IL17RD: variants seen among roughly 807,000 people sequenced by gnomAD.
IL17RD encodes the protein interleukin-17 receptor D.
A neutral mutation model predicts 80.5 loss-of-function variants in IL17RD; 52 were observed. That is an observed-to-expected ratio of 0.65 (90% confidence interval 0.52 to 0.81). IL17RD has a LOEUF of 0.81. Ranked by LOEUF, IL17RD falls within the 40% of genes least tolerant of loss-of-function variation. IL17RD has a pLI of 0.00. For missense variants in IL17RD, 1,024 were observed against 955.1 expected (o/e 1.07, Z -0.95); for synonymous variants, 416 against 391.8 (o/e 1.06, Z -0.73).
intron 1 of IL17RD, among the ~76,000 whole-genome samples, chr3:57,155,842 T>C (rs902058219): frequency 2.6e-5 from 4 of 152,208 alleles, no homozygotes; most frequent in African/African-American, 9.7e-5. Context: ...CCGCCTGCCT[T>C]GGCCTCCCAA....
chr3:57,137,598 T>C (rs1444401237), intron 1 of IL17RD, among the ~76,000 whole-genome samples: 1 of 152,204 alleles, frequency 6.6e-6, no homozygotes, highest in Non-Finnish European at 1.5e-5. Context: ...AGACTGGAGC[T>C]GGGGTCTCAA....
chr3:57,135,370 G>A (rs1707704265), intron 1 of IL17RD, among the ~76,000 whole-genome samples: 1 of 152,252 alleles, frequency 6.6e-6, no homozygotes, highest in African/African-American at 2.4e-5. Context: ...TGCCTGCGAA[G>A]TGGTGGGATG....
chr3:57,144,135 G>A (rs946860958), intron 1 of IL17RD, among the ~76,000 whole-genome samples: 2 of 152,172 alleles, frequency 1.3e-5, no homozygotes, highest in African/African-American at 4.8e-5. Flanking sequence ...TTCAACCACG[G>A]TCCCTTCCCA....
chr3:57,168,393 C>T (rs1053124763), upstream of IL17RD, among the ~76,000 whole-genome samples: 3 of 152,230 alleles, frequency 2.0e-5, no homozygotes, highest in African/African-American at 7.2e-5. Context: ...TGAAAACATG[C>T]TGCAGGGTTC....
chr3:57,163,186 G>C (rs2060317402), intron 1 of IL17RD, among the ~76,000 whole-genome samples: 1 of 152,206 alleles, frequency 6.6e-6, no homozygotes, highest in Non-Finnish European at 1.5e-5. Context: ...CTGGAATCTG[G>C]AACATGGCCC....
In IL17RD at chr3:57,097,928, A is replaced by G; in HGVS notation, c.1775T>C (p.Met592Thr). 1 of 1,614,042 alleles carries G rather than the reference A, an allele frequency of 6.2e-7. No homozygotes were observed. The highest frequency in any genetic ancestry group is 8.5e-7 in the Non-Finnish European group (1 of 1,179,902). The change falls in exon 12 of 13, where the codon ATG becomes ACG. Residue 592 changes from methionine (M) to threonine (T), a missense_variant. Met to Thr is a moderately conservative substitution (Grantham distance 81). Transcript: ENST00000296318. ...GTCACTCTCAGGCCCTGGTTTGCAC[A>G]TGACATCATTTAAAACCAAGCCCGA... ...FDSGLVLNDV[M>T]CKPGPESDFC...
chr3:57,104,257 A>G (rs1175073062), intron 8 of IL17RD, 85 bp downstream of exon 8: 13 of 924,918 alleles, frequency 1.4e-5, no homozygotes, highest in Non-Finnish European at 2.0e-5. Flanking sequence ...AATAGCTTGA[A>G]ATTTTAGTGT....
chr3:57,096,632 C>T, intron 12 of IL17RD, 127 bp from the exon 13 acceptor site: 1 of 692,814 alleles, frequency 1.4e-6, no homozygotes, highest in Non-Finnish European at 2.6e-6. Context: ...GGCAAGAATC[C>T]CAACCAACTC....
chr3:57,105,997 G>A lies in IL17RD; in HGVS notation c.607C>T (p.Arg203Trp), dbSNP rs773624343. The stretch of plus-strand genomic sequence containing the variant: ...CCATGCTGGCTGATGTTCAGGTTCC[G>A]AGGCTTCCAGACTGGAAGAAGGTAG... ...NLACKPFWKP[R>W]NLNISQHGSD... Residue 203 changes from arginine (R) to tryptophan (W), a missense_variant, in exon 7 of 13, where the codon CGG becomes TGG. By Grantham distance (101) the Arg-to-Trp change is moderately radical. Transcript: ENST00000296318. The A allele has an allele frequency of 7.4e-6, 12 of 1,613,864 alleles. No homozygotes were observed. The highest frequency in any genetic ancestry group is 4.0e-5 in the African/African-American group (3 of 75,046).
intron 1 of IL17RD, among the ~76,000 whole-genome samples, chr3:57,128,662 AT>A (rs1212348541): frequency 1.3e-5 from 2 of 151,472 alleles, no homozygotes; most frequent in African/African-American, 4.8e-5. Flanking sequence ...TCTCTAAATG[AT>A]GGTGGCCTGA....
At chr3:57,105,483 G>A (rs1706933409) in intron 7 of IL17RD, among the ~76,000 whole-genome samples, 1 of 128,348 alleles carries the variant, frequency 7.8e-6, no homozygotes, top group African/African-American at 2.9e-5. Context: ...GCTGCAGCGA[G>A]CCAAGATCAC....
At chr3:57,140,865 A>G (rs1023041301) in intron 1 of IL17RD, among the ~76,000 whole-genome samples, 3 of 151,994 alleles carry the variant, frequency 2.0e-5, no homozygotes, top group Non-Finnish European at 2.9e-5. Context: ...TTTATTATGC[A>G]GTAGCAGAGC....
In IL17RD at chr3:57,098,119, G is replaced by T; in HGVS notation, c.1584C>A (p.Gly528=). 6.2e-7 allele frequency: 1 copy of T among 1,613,948 alleles called. No homozygotes were observed. The highest frequency in any genetic ancestry group is 8.5e-7 in the Non-Finnish European group (1 of 1,179,886). ...LQEPGQHTRQ[G]SRRNYFRSKS... The stretch of plus-strand genomic sequence containing the variant: ...TGCTCCGGAAGTAGTTCCTTCTGCT[G>T]CCCTGTCGCGTGTGCTGCCCCGGCT... The change falls in exon 12 of 13, where the codon GGC becomes GGA. Residue 528 remains glycine, a synonymous_variant. Transcript: ENST00000296318.
chr3:57,114,183 CAA>C (rs113601317), intron 3 of IL17RD, among the ~76,000 whole-genome samples: 21 of 118,540 alleles, frequency 1.8e-4, no homozygotes, highest in East Asian at 6.8e-4. Context: ...AACTATGTCT[CAA>C]AAAAAAAAAA....
chr3:57,133,609 A>C (rs542803651), intron 1 of IL17RD, among the ~76,000 whole-genome samples: 4 of 152,178 alleles, frequency 2.6e-5, no homozygotes, highest in African/African-American at 9.7e-5. Flanking sequence ...GATTTTGATA[A>C]ATGTCTTTTT....
At chr3:57,119,260 G>A (rs1373093105) in intron 2 of IL17RD, among the ~76,000 whole-genome samples, 1 of 152,120 alleles carries the variant, frequency 6.6e-6, no homozygotes, top group Non-Finnish European at 1.5e-5. Context: ...GCTGAGGCAG[G>A]AGAATGGCAC....
chr3:57,144,382 T>C (rs1248257729), intron 1 of IL17RD, among the ~76,000 whole-genome samples: 3 of 152,210 alleles, frequency 2.0e-5, no homozygotes, highest in South Asian at 4.1e-4. Context: ...TCACAGACCC[T>C]GTGGAGGAGT....
At chr3:57,107,797 G>A (rs746577531) in intron 5 of IL17RD, among the ~76,000 whole-genome samples, 19 of 152,176 alleles carry the variant, frequency 1.2e-4, no homozygotes, top group Admixed American at 1.0e-3. Context: ...CACCTTCTCT[G>A]TGTGGGATTC....
chr3:57,100,767 C>T (rs1251869563), intron 11 of IL17RD, among the ~76,000 whole-genome samples: 6 of 152,176 alleles, frequency 3.9e-5, no homozygotes, highest in South Asian at 2.1e-4. Context: ...AACAATTGTG[C>T]GAACTCACTG....
Sources: allele counts gnomAD v4.1 joint callset (sites outside exome capture counted in the v4.1 genomes callset), GRCh38; gene constraint gnomAD v4.1.1; transcripts MANE v1.5; gene names NCBI Gene and HGNC (gene_info 2026-07-23, HGNC 2026-07-21).